TACR1: variants seen among roughly 807,000 people sequenced by gnomAD.
TACR1 encodes tachykinin receptor 1, also known as substance-P receptor.
Under a neutral mutation model 35.8 loss-of-function variants are expected in TACR1, and 25 were observed. That is an observed-to-expected ratio of 0.70 (90% CI 0.51 to 0.98). The LOEUF (loss-of-function observed/expected upper bound fraction) is 0.98, where lower values mean the gene tolerates loss of function less well. Ranked by LOEUF, TACR1 falls within the 50% of genes least tolerant of loss-of-function variation. The pLI is 0.00. For synonymous variants in TACR1, 195 were observed against 206.7 expected, an observed-to-expected ratio of 0.94 and a Z score of 0.48; for missense variants, 478 against 522.9, an observed-to-expected ratio of 0.91 and a Z score of 0.84.
At chr2:75,181,020 C>G (rs1223767186) in intron 1 of TACR1, among the ~76,000 whole-genome samples, 1 of 152,192 alleles carries the variant, frequency 6.6e-6, no homozygotes, top group Non-Finnish European at 1.5e-5. Context: ...CTGGGAGAAG[C>G]TTTAACTTCT....
intron 2 of TACR1, among the ~76,000 whole-genome samples, chr2:75,090,647 A>T (rs1240764365): frequency 2.6e-5 from 4 of 152,162 alleles, no homozygotes; most frequent in African/African-American, 7.2e-5. Flanking sequence ...AATGTCAGCT[A>T]GTAGTTGTTA....
At position 75,198,849 on chromosome 2, in the gene TACR1, G is replaced by T. The variant is rs1395207852; in HGVS notation, c.86C>A (p.Ala29Asp). ...AGCTGCCCAAAGGACAATTTGCCAG[G>T]CTGGTTGCACGAACTGATTGGGTTC... is the stretch of plus-strand genomic sequence containing the variant. Reference protein sequence around the residue: ...TSEPNQFVQPAWQIVLWAAAY... With the variant: ...TSEPNQFVQPDWQIVLWAAAY... Residue 29 changes from alanine to aspartate, a missense_variant, in exon 1 of 5, where the codon GCC becomes GAC. Transcript: ENST00000305249. The T allele has an allele frequency of 1.9e-6, 3 of 1,614,004 alleles. No individual in the cohort carries two copies. The East Asian group carries it at 6.7e-5, about 36-fold the overall frequency.
At chr2:75,052,229 A>G (rs1473915592) in intron 3 of TACR1, among the ~76,000 whole-genome samples, 1 of 152,136 alleles carries the variant, frequency 6.6e-6, no homozygotes, top group Non-Finnish European at 1.5e-5. Flanking sequence ...GTGCCCTTAT[A>G]AAATAGGCCT....
chr2:75,080,732 C>T (rs1405090026), intron 2 of TACR1, among the ~76,000 whole-genome samples: 3 of 152,150 alleles, frequency 2.0e-5, no homozygotes, highest in Non-Finnish European at 4.4e-5. Context: ...CTTCCCAGGC[C>T]TGTTGTGAGG....
chr2:75,047,005 G>T lies in TACR1; in HGVS notation c.*2427C>A, dbSNP rs1473242437. On this transcript the variant is annotated 3_prime_UTR_variant, in exon 5 of 5. Coordinates refer to ENST00000305249, the MANE Select transcript of TACR1 (RefSeq NM_001058.4). ...GTACAAATCATGGTGTTTCTTACAT[G>T]TGGGAGTTGATGACATTTTTATAAG... 2.0e-5 allele frequency: 3 copies of T among 152,228 alleles called. No individual in the cohort carries two copies. Among genetic ancestry groups the T allele is most frequent in the Non-Finnish European group, 2.9e-5 (2 of 68,070 alleles). 9.4% of individuals were successfully genotyped at this position (152,228 alleles called of 1,614,324 possible). A position where few individuals can be genotyped will look rare whatever the true frequency, so the allele number is the denominator to read the frequency against.
intron 1 of TACR1, among the ~76,000 whole-genome samples, chr2:75,167,798 A>G (rs951519580): frequency 4.6e-5 from 7 of 152,204 alleles, no homozygotes; most frequent in African/African-American, 1.7e-4. Flanking sequence ...TTTGTATCTT[A>G]TAGTAAAAGA....
chr2:75,159,563 C>T (rs1317456563), intron 1 of TACR1, among the ~76,000 whole-genome samples: 1 of 152,024 alleles, frequency 6.6e-6, no homozygotes, highest in East Asian at 1.9e-4. Flanking sequence ...TAAGGGTTAC[C>T]ATCTTTTTTT....
At chr2:75,110,376 C>A (rs1673727843) in intron 2 of TACR1, among the ~76,000 whole-genome samples, 1 of 151,204 alleles carries the variant, frequency 6.6e-6, no homozygotes, top group African/African-American at 2.4e-5. Flanking sequence ...GCAGTCAAGG[C>A]AATAATTTAT....
At chr2:75,143,349 T>C (rs1384957435) in intron 1 of TACR1, among the ~76,000 whole-genome samples, 3 of 152,248 alleles carry the variant, frequency 2.0e-5, no homozygotes, top group African/African-American at 7.2e-5. Flanking sequence ...TGGAACAAGA[T>C]GGAAATATGA....
chr2:75,122,000 G>A lies in TACR1; in HGVS notation c.390-1232C>T, dbSNP rs567460803. 2.6e-5 allele frequency among the ~76,000 whole-genome samples: 4 copies of A among 152,302 alleles called. No homozygotes were observed. In the South Asian group the frequency reaches 8.3e-4, roughly 32 times the overall value. ...AATTAGGACCAGGGTTACAAGTAAA[G>A]CAATTTTATTCAGTATGCGCTCAAT... On this transcript the variant is annotated intron_variant, in intron 1 of 4. Transcript: ENST00000305249.
intron 1 of TACR1, among the ~76,000 whole-genome samples, chr2:75,130,878 CG>C (rs1674164544): frequency 6.6e-6 from 1 of 152,196 alleles, no homozygotes; most frequent in South Asian, 2.1e-4. Flanking sequence ...CATGACTTCT[CG>C]CTTAGATTAA....
intron 1 of TACR1, among the ~76,000 whole-genome samples, chr2:75,159,002 T>C (rs1278657011): frequency 6.6e-6 from 1 of 152,262 alleles, no homozygotes; most frequent in East Asian, 1.9e-4. Flanking sequence ...TTATCTCATT[T>C]AATTCTTACT....
At chr2:75,195,700 T>C (rs1675954304) in intron 1 of TACR1, among the ~76,000 whole-genome samples, 1 of 152,244 alleles carries the variant, frequency 6.6e-6, no homozygotes, top group South Asian at 2.1e-4. Context: ...AATTATCATA[T>C]ATAAATATTC....
intron 1 of TACR1, among the ~76,000 whole-genome samples, chr2:75,182,203 G>C (rs1675575267): frequency 6.6e-6 from 1 of 152,198 alleles, no homozygotes; most frequent in Non-Finnish European, 1.5e-5. Flanking sequence ...TCTCCTTGTG[G>C]CTGTTGCCTT....
At chr2:75,125,286 C>T (rs898084710) in intron 1 of TACR1, among the ~76,000 whole-genome samples, 4 of 151,976 alleles carry the variant, frequency 2.6e-5, no homozygotes, top group Non-Finnish European at 5.9e-5. Context: ...CGGGTTCCAG[C>T]AATTCTCATG....
chr2:75,138,753 A>G (rs1223516286), intron 1 of TACR1, among the ~76,000 whole-genome samples: 1 of 139,226 alleles, frequency 7.2e-6, no homozygotes, highest in Non-Finnish European at 1.6e-5. Flanking sequence ...CTGGAGACTC[A>G]TCTACTCATT....
At position 75,198,815 on chromosome 2, in the gene TACR1, C is replaced by T. The variant is rs1241091661; in HGVS notation, c.120G>A (p.Thr40=). ...CCACCACAGAGGTCACCACAATGAC[C>T]GTGTAGGCAGCTGCCCAAAGGACAA... The part of the protein sequence containing the change: ...WQIVLWAAAY[T]VIVVTSVVGN... Residue 40 remains threonine (T), a synonymous_variant, in exon 1 of 5, where the codon ACG becomes ACA. Coordinates refer to ENST00000305249, the MANE Select transcript of TACR1 (RefSeq NM_001058.4). 1.2e-6 allele frequency: 2 copies of T among 1,613,994 alleles called. No homozygotes were observed. The highest frequency in any genetic ancestry group is 2.2e-5 in the East Asian group (1 of 44,894).
chr2:75,141,724 A>G (rs529885661), intron 1 of TACR1, among the ~76,000 whole-genome samples: 2 of 152,346 alleles, frequency 1.3e-5, no homozygotes, highest in South Asian at 4.1e-4. Flanking sequence ...TCTTTCCCCA[A>G]AAAGGACTTA....
chr2:75,051,077 T>C (rs1201788744), intron 4 of TACR1, 174 bp downstream of exon 4: 4 of 775,756 alleles, frequency 5.2e-6, no homozygotes, highest in Non-Finnish European at 6.3e-6. Flanking sequence ...CGGGCTCCCA[T>C]TCCTGGATGG....
Sources: gnomAD v4.1 joint callset for allele counts (sites outside exome capture counted in the v4.1 genomes callset) on GRCh38, gnomAD v4.1.1 for gene constraint, MANE v1.5 for transcripts, NCBI Gene and HGNC (gene_info 2026-07-23, HGNC 2026-07-21) for gene names.